The following SND1 variants were observed in gnomAD, a reference collection of about 807,000 sequenced individuals.
SND1 encodes the protein staphylococcal nuclease and tudor domain containing 1.
SND1 carries 38 observed loss-of-function variants against 121.7 expected under a neutral mutation model. That is an observed-to-expected ratio of 0.31 (90% CI 0.24 to 0.41). The LOEUF (loss-of-function observed/expected upper bound fraction) is 0.41, where lower values mean the gene tolerates loss of function less well. SND1 is among the 10% of genes least tolerant of loss of function. SND1 has a pLI of 1.00. For synonymous variants in SND1, 401 were observed against 447.4 expected (o/e 0.90, Z 1.31); for missense variants, 868 against 1,184.6 (o/e 0.73, Z 3.92).
chr7:127,662,440 T>G (rs1263899630), intron 1 of SND1, among the ~76,000 whole-genome samples: 1 of 152,226 alleles, frequency 6.6e-6, no homozygotes, highest in Non-Finnish European at 1.5e-5. Context: ...TTCATAATTC[T>G]AAGCACTATT....
intron 10 of SND1, among the ~76,000 whole-genome samples, chr7:127,786,506 G>C (rs978694336): frequency 6.6e-6 from 1 of 152,146 alleles, no homozygotes; most frequent in Non-Finnish European, 1.5e-5. Context: ...TGGGGTAACA[G>C]CCCTCCCTTC....
chr7:127,781,905 C>A (rs181506534), intron 10 of SND1, among the ~76,000 whole-genome samples: 2 of 152,284 alleles, frequency 1.3e-5, no homozygotes, highest in East Asian at 3.9e-4. Flanking sequence ...AGATACTGAA[C>A]TTTGGTATAA....
At chr7:127,850,306 C>T (rs1423498354) in intron 12 of SND1, among the ~76,000 whole-genome samples, 2 of 152,138 alleles carry the variant, frequency 1.3e-5, no homozygotes, top group Non-Finnish European at 2.9e-5. Flanking sequence ...TCAGAGTTTT[C>T]AATTCTTAAA....
At chr7:127,765,377 G>A (rs756097890) in intron 10 of SND1, among the ~76,000 whole-genome samples, 2 of 152,196 alleles carry the variant, frequency 1.3e-5, no homozygotes, top group Non-Finnish European at 2.9e-5. Flanking sequence ...TTTGTGATTG[G>A]CACGTCTCAC....
At chr7:128,032,059 A>G (rs1792632295) in intron 16 of SND1, 2 of 151,846 alleles carry the variant, frequency 1.3e-5, no homozygotes, top group Non-Finnish European at 2.9e-5. Context: ...GGCGGCAGCC[A>G]CGCAGACTGC....
At chr7:127,712,540 A>G (rs191586847) in intron 9 of SND1, among the ~76,000 whole-genome samples, 1 of 152,284 alleles carries the variant, frequency 6.6e-6, no homozygotes, top group East Asian at 1.9e-4. Flanking sequence ...TTCATTCCCA[A>G]TTGAGATGCT....
chr7:127,913,331 T>A (rs1038965265), intron 14 of SND1, among the ~76,000 whole-genome samples: 15 of 152,238 alleles, frequency 9.9e-5, no homozygotes, highest in African/African-American at 3.4e-4. Context: ...CAGGAGTGCA[T>A]GCAAATGCAC....
At chr7:127,904,231 T>A (rs1329439284) in intron 13 of SND1, 1 of 152,536 alleles carries the variant, frequency 6.6e-6, no homozygotes, top group Admixed American at 6.5e-5. Context: ...ATGTAGCATT[T>A]GCTAATTTTT....
intron 1 of SND1, among the ~76,000 whole-genome samples, chr7:127,661,387 T>G (rs1248578194): frequency 6.6e-6 from 1 of 152,202 alleles, no homozygotes; most frequent in East Asian, 1.9e-4. Flanking sequence ...CTTGGCACAT[T>G]ATTTCAATGG....
At chr7:127,755,718 G>A (rs904390041) in intron 10 of SND1, among the ~76,000 whole-genome samples, 8 of 152,204 alleles carry the variant, frequency 5.3e-5, no homozygotes, top group African/African-American at 1.9e-4. Context: ...GTTTGAAAGC[G>A]GAAGCTGCCG....
chr7:127,827,604 A>G (rs1202344413), intron 11 of SND1, among the ~76,000 whole-genome samples: 3 of 152,306 alleles, frequency 2.0e-5, no homozygotes, highest in African/African-American at 7.2e-5. Flanking sequence ...GCCCAGACTT[A>G]TCATTGGATA....
At chr7:127,971,576 T>A (rs1801987013) in intron 15 of SND1, among the ~76,000 whole-genome samples, 1 of 152,090 alleles carries the variant, frequency 6.6e-6, no homozygotes. Flanking sequence ...TACAAAGATG[T>A]TCATATAATT....
chr7:128,079,949 G>A (rs1793569306), intron 17 of SND1, among the ~76,000 whole-genome samples: 1 of 152,170 alleles, frequency 6.6e-6, no homozygotes, highest in South Asian at 2.1e-4. Flanking sequence ...AAGAGCTGTA[G>A]TGCCAGGCTG....
At chr7:128,073,190 GCT>G (rs775029975) in intron 16 of SND1, among the ~76,000 whole-genome samples, 8 of 152,188 alleles carry the variant, frequency 5.3e-5, no homozygotes, top group Non-Finnish European at 1.2e-4. Flanking sequence ...TCTGCTCTCA[GCT>G]CTGTCCCTTA....
At chr7:127,832,256 C>G (rs1798754407) in intron 11 of SND1, among the ~76,000 whole-genome samples, 1 of 152,174 alleles carries the variant, frequency 6.6e-6, no homozygotes, top group South Asian at 2.1e-4. Context: ...ATCTTTGTTT[C>G]TGTAGATTGA....
chr7:127,930,713 T>C (rs77555481), intron 15 of SND1, among the ~76,000 whole-genome samples: 2,585 of 152,352 alleles, frequency 0.017, 74 homozygotes, highest in African/African-American at 0.058. Context: ...GAGAGAGTCC[T>C]TTTATGCAGC....
intron 12 of SND1, among the ~76,000 whole-genome samples, chr7:127,882,283 A>G (rs893934840): frequency 6.7e-6 from 1 of 150,294 alleles, no homozygotes; most frequent in Non-Finnish European, 1.5e-5. Context: ...AGGAAAAGCA[A>G]TTAAGGCAGA....
At chr7:127,670,920 T>C (rs948480653) in intron 1 of SND1, among the ~76,000 whole-genome samples, 3 of 152,188 alleles carry the variant, frequency 2.0e-5, no homozygotes, top group African/African-American at 7.2e-5. Flanking sequence ...AGCAGTAGTC[T>C]TTTTGAACAG....
chr7:127,990,898 G>A lies in SND1; in HGVS notation c.1670-49G>A, dbSNP rs1254780096. ...GGGGACCGTCCTTATTGGACAGCAAGCCTAGTGGGCACCTTTTCATCACAG... is the reference window on the plus strand; with the variant it reads ...GGGGACCGTCCTTATTGGACAGCAAACCTAGTGGGCACCTTTTCATCACAG... On this transcript the variant is annotated intron_variant, in intron 15 of 23. Transcript: ENST00000354725. 3 of 1,375,522 alleles carry A rather than the reference G, an allele frequency of 2.2e-6. No individual in the cohort carries two copies. In the South Asian group the frequency reaches 3.7e-5, roughly 17 times the overall value. The allele number at this position is 1,375,522 out of a possible 1,614,324, so 85.2% of individuals were successfully genotyped here.
Sources: gnomAD v4.1 joint callset for allele counts (sites outside exome capture counted in the v4.1 genomes callset) on GRCh38, gnomAD v4.1.1 for gene constraint, MANE v1.5 for transcripts, NCBI Gene and HGNC (gene_info 2026-07-23, HGNC 2026-07-21) for gene names.